The following CPM variants were observed in gnomAD, a reference collection of about 807,000 sequenced individuals.
The protein encoded by CPM is renal carboxypeptidase.
In CPM, 35 loss-of-function variants were observed where a neutral mutation model predicts 46.4. The ratio of observed to expected loss-of-function variants is 0.75; its 90% CI spans 0.58 to 1.00. The LOEUF (loss-of-function observed/expected upper bound fraction) is 1.00. CPM is among the 50% of genes least tolerant of loss of function. CPM has a pLI of 0.00. For synonymous variants in CPM, 195 were observed against 195.3 expected (o/e 1.00, Z 0.01); for missense variants, 422 against 530.4 (o/e 0.80, Z 2.01).
At chr12:68,887,815 C>T (rs2589282) in intron 2 of CPM, among the ~76,000 whole-genome samples, 8,922 of 152,204 alleles carry the variant, frequency 0.059, 358 homozygotes, top group African/African-American at 0.11. Context: ...AAGGAGGGGG[C>T]TGATGAAAAA....
chr12:68,884,977 T>C (rs113791916), intron 3 of CPM, among the ~76,000 whole-genome samples: 21,119 of 152,204 alleles, frequency 0.14, 1,477 homozygotes, highest in Middle Eastern at 0.25. Context: ...GGAGTCTCAC[T>C]GTGTCGCCTA....
chr12:68,940,436 A>G (rs1321112814), intron 1 of CPM, among the ~76,000 whole-genome samples: 13 of 150,146 alleles, frequency 8.7e-5, no homozygotes, highest in South Asian at 4.3e-4. Flanking sequence ...TGCTCCACCT[A>G]TTCATCCCTC....
At chr12:68,918,612 T>TAATCCAATCCAATCCAATCC (rs200988350) in intron 2 of CPM, among the ~76,000 whole-genome samples, 3 of 151,582 alleles carry the variant, frequency 2.0e-5, no homozygotes, top group African/African-American at 7.3e-5. Flanking sequence ...CAATCCAATC[T>TAATCCAATCCAATCCAATCC]AATCCAATCC....
At chr12:68,920,693 C>CTTTTTTTTTTTTT (rs11391172) in intron 2 of CPM, among the ~76,000 whole-genome samples, 4 of 131,808 alleles carry the variant, frequency 3.0e-5, no homozygotes, top group African/African-American at 9.1e-5. Context: ...TTTTCTTTTT[C>CTTTTTTTTTTTTT]TTTTTCTTTT....
At position 68,852,938 on chromosome 12, in the gene CPM, A is replaced by C. The variant is rs1884789241; in HGVS notation, c.*3499T>G. The stretch of plus-strand genomic sequence containing the variant: ...TGTGTATCAGGTTGGTTTCTCTATA[A>C]AAGGAATTATAGCTGAACTAGAGCT... On this transcript the variant is annotated 3_prime_UTR_variant, in exon 9 of 9. Transcript: ENST00000551568. 1 of 152,102 alleles carries C rather than the reference A, an allele frequency of 6.6e-6. No homozygotes were observed. The highest frequency in any genetic ancestry group is 2.4e-5 in the African/African-American group (1 of 41,398). 9.4% of individuals were successfully genotyped at this position (152,102 alleles called of 1,614,324 possible).
At chr12:68,921,086 T>C (rs1295030395) in intron 2 of CPM, among the ~76,000 whole-genome samples, 1 of 152,046 alleles carries the variant, frequency 6.6e-6, no homozygotes, top group Non-Finnish European at 1.5e-5. Context: ...TGACAGACCC[T>C]TGAATTATTC....
intron 2 of CPM, among the ~76,000 whole-genome samples, chr12:68,905,869 TTAGAG>T (rs2136284553): frequency 1.3e-5 from 2 of 152,220 alleles, no homozygotes; most frequent in African/African-American, 4.8e-5. Flanking sequence ...TAGCAAGTGT[TTAGAG>T]TAAAGACAGC....
chr12:68,948,886 C>T (rs1344445444), intron 1 of CPM, among the ~76,000 whole-genome samples: 1 of 152,144 alleles, frequency 6.6e-6, no homozygotes, highest in African/African-American at 2.4e-5. Flanking sequence ...AACCTTGGAC[C>T]ATTGCTCAGT....
intron 1 of CPM, 63 bp from the exon 2 acceptor site, chr12:68,932,903 G>T: frequency 6.7e-7 from 1 of 1,491,348 alleles, no homozygotes; most frequent in Non-Finnish European, 9.2e-7. Context: ...GGCATCACCA[G>T]CTACGTCTCG....
At chr12:68,908,976 TG>T (rs1167632764) in intron 2 of CPM, among the ~76,000 whole-genome samples, 1 of 152,234 alleles carries the variant, frequency 6.6e-6, no homozygotes, top group African/African-American at 2.4e-5. Flanking sequence ...GGTTTGTGTT[TG>T]TTCATCTGGG....
chr12:68,922,264 TA>T (rs958314113), intron 2 of CPM, among the ~76,000 whole-genome samples: 2 of 152,246 alleles, frequency 1.3e-5, no homozygotes, highest in African/African-American at 4.8e-5. Context: ...CACCTGCCTG[TA>T]TTTGTATATG....
chr12:68,960,543 G>A (rs1396188169), intron 1 of CPM, among the ~76,000 whole-genome samples: 1 of 152,174 alleles, frequency 6.6e-6, no homozygotes, highest in African/African-American at 2.4e-5. Context: ...AAGGGATAAT[G>A]CTTCTTTACT....
chr12:68,888,008 C>T (rs972570737), intron 2 of CPM, among the ~76,000 whole-genome samples: 2 of 152,190 alleles, frequency 1.3e-5, no homozygotes, highest in Admixed American at 1.3e-4. Flanking sequence ...TGGAGCTTTA[C>T]TTCTACAAAG....
At chr12:68,937,478 T>C (rs911515800), upstream of CPM, among the ~76,000 whole-genome samples, 5 of 152,184 alleles carry the variant, frequency 3.3e-5, no homozygotes, top group Admixed American at 6.6e-5. Flanking sequence ...CAACAAAGAA[T>C]TATTCAGCCC....
At chr12:68,885,715 A>G in intron 3 of CPM, 77 bp downstream of exon 3, 1 of 1,169,378 alleles carries the variant, frequency 8.6e-7, no homozygotes, top group South Asian at 1.4e-5. Context: ...CTTCCTCGGT[A>G]GCATTTATAC....
At chr12:68,959,222 G>A (rs1021243923) in intron 1 of CPM, among the ~76,000 whole-genome samples, 1 of 152,200 alleles carries the variant, frequency 6.6e-6, no homozygotes, top group Non-Finnish European at 1.5e-5. Context: ...CTGGCACAGA[G>A]TAAGTCTTCA....
chr12:68,923,603 T>A (rs959294866), intron 2 of CPM, among the ~76,000 whole-genome samples: 1 of 152,132 alleles, frequency 6.6e-6, no homozygotes, highest in Non-Finnish European at 1.5e-5. Context: ...ACATACATAA[T>A]TTCAAAAGAT....
chr12:68,846,270 G>A (rs1202652356), downstream of CPM: 1 of 146,918 alleles, frequency 6.8e-6, no homozygotes, highest in African/African-American at 2.7e-5. Context: ...TGTATTTTTT[G>A]TAGAGACAGT....
chr12:68,893,438 G>A (rs1886739240), intron 2 of CPM, among the ~76,000 whole-genome samples: 1 of 152,328 alleles, frequency 6.6e-6, no homozygotes, highest in African/African-American at 2.4e-5. Context: ...CATATTCTGT[G>A]TAGTGGGCTG....
Sources: gnomAD v4.1 joint callset for allele counts (sites outside exome capture counted in the v4.1 genomes callset) on GRCh38, gnomAD v4.1.1 for gene constraint, MANE v1.5 for transcripts, NCBI Gene and HGNC (gene_info 2026-07-23, HGNC 2026-07-21) for gene names.